The following ADAMTS17 variants were observed in gnomAD, a reference collection of about 807,000 sequenced individuals.
ADAMTS17 encodes A disintegrin and metalloproteinase with thrombospondin motifs 17.
In ADAMTS17, 113 loss-of-function variants were observed where a neutral mutation model predicts 141.5. That is an observed-to-expected ratio of 0.80 (90% CI 0.69 to 0.93). The LOEUF (loss-of-function observed/expected upper bound fraction) is 0.93, where lower values mean the gene tolerates loss of function less well. Among genes scored for constraint, ADAMTS17 ranks in the 40% least tolerant of loss-of-function variants. ADAMTS17 has a pLI of 0.00. For missense variants in ADAMTS17, 1,659 were observed against 1,517.9 expected, an observed-to-expected ratio of 1.09 and a Z score of -1.54; for synonymous variants, 768 against 630.6, an observed-to-expected ratio of 1.22 and a Z score of -3.27.
intron 18 of ADAMTS17, among the ~76,000 whole-genome samples, chr15:100,022,762 C>T (rs562019693): frequency 2.1e-4 from 32 of 152,166 alleles, no homozygotes; most frequent in South Asian, 2.1e-3. Flanking sequence ...TAATGAATAC[C>T]GTAACCACTT....
At chr15:100,303,469 T>C (rs551966926) in intron 3 of ADAMTS17, among the ~76,000 whole-genome samples, 1 of 151,820 alleles carries the variant, frequency 6.6e-6, no homozygotes, top group African/African-American at 2.4e-5. Flanking sequence ...TTTCATGAGG[T>C]CCAATTTATC....
chr15:100,201,977 C>A (rs1450019913), intron 7 of ADAMTS17, among the ~76,000 whole-genome samples: 3 of 152,218 alleles, frequency 2.0e-5, no homozygotes, highest in Non-Finnish European at 2.9e-5. Context: ...CCCGCCCAGC[C>A]CTGGCTGCAG....
intron 7 of ADAMTS17, among the ~76,000 whole-genome samples, chr15:100,251,496 C>T (rs1004527076): frequency 3.3e-5 from 5 of 152,206 alleles, no homozygotes; most frequent in African/African-American, 7.2e-5. Context: ...GAGGCCGAGG[C>T]GGATGGATCA....
intron 15 of ADAMTS17, among the ~76,000 whole-genome samples, chr15:100,063,424 T>C (rs577199252): frequency 6.6e-6 from 1 of 152,198 alleles, no homozygotes; most frequent in Non-Finnish European, 1.5e-5. Context: ...CACTCTTCTA[T>C]GATCCTCCTT....
intron 6 of ADAMTS17, among the ~76,000 whole-genome samples, chr15:100,254,773 T>C (rs533983336): frequency 2.0e-5 from 3 of 152,250 alleles, no homozygotes; most frequent in African/African-American, 7.2e-5. Flanking sequence ...ATGTCCTCAC[T>C]TGTAAGTGGG....
At chr15:99,976,643 C>G in intron 20 of ADAMTS17, 1 of 309,008 alleles carries the variant, frequency 3.2e-6, no homozygotes, top group Non-Finnish European at 6.3e-6. Context: ...GGTGGAGCCT[C>G]CATGCTGGGA....
At chr15:100,123,784 G>A (rs191542481) in intron 12 of ADAMTS17, among the ~76,000 whole-genome samples, 14 of 152,288 alleles carry the variant, frequency 9.2e-5, no homozygotes, top group East Asian at 5.8e-4. Flanking sequence ...GAAATGTAGC[G>A]TGCAAGAGCT....
At position 100,066,034 on chromosome 15, in the gene ADAMTS17, G is replaced by T. The variant is rs766757539; in HGVS notation, c.2138-11980C>A. On this transcript the variant is annotated intron_variant, in intron 15 of 21. Transcript: ENST00000268070. ...AATGATGGTTTCCAGCTTCATCCAT[G>T]TGACTGCAAAGGACATGAACTCATT... 3.9e-4 allele frequency among the ~76,000 whole-genome samples: 59 copies of T among 152,200 alleles called. 2 individuals are homozygous for T. The highest frequency in any genetic ancestry group is 1.6e-4 in the Non-Finnish European group (11 of 68,048).
At chr15:100,051,296 T>G (rs1226502750) in intron 17 of ADAMTS17, among the ~76,000 whole-genome samples, 1 of 152,150 alleles carries the variant, frequency 6.6e-6, no homozygotes, top group Non-Finnish European at 1.5e-5. Context: ...ACACCCGAGA[T>G]GTAATCATAC....
chr15:100,081,695 C>G (rs532990849), intron 15 of ADAMTS17, among the ~76,000 whole-genome samples: 4 of 152,288 alleles, frequency 2.6e-5, no homozygotes, highest in Non-Finnish European at 4.4e-5. Context: ...CAACACTATA[C>G]GAGAGTAAAC....
At chr15:100,276,914 AG>A (rs2044116645) in intron 4 of ADAMTS17, among the ~76,000 whole-genome samples, 1 of 152,104 alleles carries the variant, frequency 6.6e-6, no homozygotes, top group Admixed American at 6.5e-5. Context: ...GTGCTGGTGG[AG>A]GTGGTCTTGT....
chr15:100,310,573 T>C (rs566334375), intron 3 of ADAMTS17, among the ~76,000 whole-genome samples: 46 of 152,296 alleles, frequency 3.0e-4, no homozygotes, highest in African/African-American at 1.0e-3. Flanking sequence ...CAGGGTGCAG[T>C]GTGGACACCA....
At chr15:100,280,582 G>GCCCT (rs1443107583) in intron 4 of ADAMTS17, among the ~76,000 whole-genome samples, 2 of 152,026 alleles carry the variant, frequency 1.3e-5, no homozygotes, top group East Asian at 1.9e-4. Context: ...CCCTCACCAG[G>GCCCT]CCCTGTCCAC....
At chr15:100,116,809 A>T in intron 13 of ADAMTS17, 38 bp downstream of exon 13, 1 of 1,613,732 alleles carries the variant, frequency 6.2e-7, no homozygotes, top group Non-Finnish European at 8.5e-7. Context: ...AGGGGAGGAC[A>T]GGAGGCTGCC....
intron 18 of ADAMTS17, among the ~76,000 whole-genome samples, chr15:100,028,454 T>C (rs1311643454): frequency 6.6e-6 from 1 of 152,240 alleles, no homozygotes; most frequent in African/African-American, 2.4e-5. Flanking sequence ...ATGACAGCTG[T>C]AAAGTTCTGT....
At chr15:99,999,630 T>G (rs939239006) in intron 18 of ADAMTS17, among the ~76,000 whole-genome samples, 2 of 152,192 alleles carry the variant, frequency 1.3e-5, no homozygotes, top group South Asian at 4.1e-4. Flanking sequence ...CTTGTTCAAA[T>G]AAGATGGAAT....
chr15:100,153,939 G>C (rs372097281), intron 9 of ADAMTS17, among the ~76,000 whole-genome samples: 5 of 152,220 alleles, frequency 3.3e-5, no homozygotes, highest in Non-Finnish European at 7.3e-5. Flanking sequence ...CCAGCACTTT[G>C]GGAGGCCGAG....
intron 18 of ADAMTS17, among the ~76,000 whole-genome samples, chr15:100,015,985 C>G (rs1371021837): frequency 6.6e-6 from 1 of 152,216 alleles, no homozygotes; most frequent in Non-Finnish European, 1.5e-5. Flanking sequence ...GATTTCTCTT[C>G]TTCCTCAGGA....
At chr15:100,042,089 A>G (rs1405346164) in intron 18 of ADAMTS17, among the ~76,000 whole-genome samples, 3 of 152,140 alleles carry the variant, frequency 2.0e-5, no homozygotes, top group Non-Finnish European at 2.9e-5. Context: ...TGAAACAGCC[A>G]TTTGTAATCC....
Sources: allele counts gnomAD v4.1 joint callset (sites outside exome capture counted in the v4.1 genomes callset), GRCh38; gene constraint gnomAD v4.1.1; transcripts MANE v1.5; gene names NCBI Gene and HGNC (gene_info 2026-07-23, HGNC 2026-07-21).